Variants in DNM3 observed in about 807,000 individuals in gnomAD.
DNM3 encodes dynamin 3.
DNM3 carries 47 observed loss-of-function variants against 101.6 expected under a neutral mutation model. That is an observed-to-expected ratio of 0.46 (90% CI 0.37 to 0.59). The LOEUF (loss-of-function observed/expected upper bound fraction) is 0.59. Among genes scored for constraint, DNM3 ranks in the 20% least tolerant of loss-of-function variants. The probability of loss-of-function intolerance (pLI) is 0.00; values close to 1 mark genes in which losing one functional copy is unlikely to be tolerated. For synonymous variants in DNM3, 385 were observed against 387.9 expected, an observed-to-expected ratio of 0.99 and a Z score of 0.09; for missense variants, 849 against 1,085.7, an observed-to-expected ratio of 0.78 and a Z score of 3.06.
At chr1:171,920,544 A>C (rs931614626) in intron 1 of DNM3, among the ~76,000 whole-genome samples, 1 of 152,166 alleles carries the variant, frequency 6.6e-6, no homozygotes, top group African/African-American at 2.4e-5. Flanking sequence ...TGGGCCTGGA[A>C]CCACATTTTG....
chr1:172,256,897 T>G (rs1422628917), intron 15 of DNM3, among the ~76,000 whole-genome samples: 1 of 108,476 alleles, frequency 9.2e-6, no homozygotes, highest in Non-Finnish European at 2.0e-5. Context: ...TTTCCTATTC[T>G]TCATCATGTT....
chr1:172,169,958 A>G (rs116753826), intron 14 of DNM3, among the ~76,000 whole-genome samples: 1,658 of 152,006 alleles, frequency 0.011, 23 homozygotes, highest in African/African-American at 0.037. Flanking sequence ...TGGGTTTTAC[A>G]GTGTGCAAAG....
intron 14 of DNM3, among the ~76,000 whole-genome samples, chr1:172,230,914 A>T (rs1296760410): frequency 6.6e-6 from 1 of 151,978 alleles, no homozygotes; most frequent in African/African-American, 2.4e-5. Flanking sequence ...CCCTTTGACT[A>T]GTTTGCCCTT....
intron 13 of DNM3, among the ~76,000 whole-genome samples, chr1:172,121,435 G>C (rs1195449110): frequency 6.6e-6 from 1 of 152,240 alleles, no homozygotes; most frequent in African/African-American, 2.4e-5. Flanking sequence ...AATCAAGATA[G>C]TGCGGAAGCC....
intron 4 of DNM3, among the ~76,000 whole-genome samples, chr1:172,011,772 A>G (rs933911344): frequency 2.0e-5 from 3 of 152,184 alleles, no homozygotes; most frequent in Admixed American, 6.6e-5. Flanking sequence ...TTTCAAAACC[A>G]ATAGATCCAA....
chr1:172,032,696 C>T (rs1401911397), intron 5 of DNM3, among the ~76,000 whole-genome samples, 196 bp downstream of exon 5: 5 of 151,468 alleles, frequency 3.3e-5, no homozygotes, highest in African/African-American at 9.7e-5. Flanking sequence ...GAAAATAATC[C>T]AAAGGGAGAA....
chr1:171,949,167 T>C (rs534068748), intron 2 of DNM3, among the ~76,000 whole-genome samples: 1 of 152,290 alleles, frequency 6.6e-6, no homozygotes, highest in East Asian at 1.9e-4. Flanking sequence ...TTACTAATTT[T>C]TGTACCATTA....
chr1:172,333,617 T>C (rs2066289051), intron 17 of DNM3, among the ~76,000 whole-genome samples: 1 of 152,182 alleles, frequency 6.6e-6, no homozygotes, highest in East Asian at 1.9e-4. Flanking sequence ...TTGATGCATA[T>C]TATCTTAATC....
chr1:171,884,055 A>C (rs1248781755), intron 1 of DNM3, among the ~76,000 whole-genome samples: 1 of 152,210 alleles, frequency 6.6e-6, no homozygotes, highest in African/African-American at 2.4e-5. Context: ...TGAGTTAAAC[A>C]GATGTTCAGC....
intron 15 of DNM3, among the ~76,000 whole-genome samples, chr1:172,254,381 A>T (rs977628132): frequency 3.3e-5 from 5 of 152,202 alleles, no homozygotes; most frequent in African/African-American, 1.2e-4. Context: ...GACAAATTTC[A>T]TATACTATGA....
chr1:172,309,692 A>G (rs1049958887), intron 16 of DNM3: 8 of 152,226 alleles, frequency 5.3e-5, no homozygotes, highest in Admixed American at 2.0e-4. Context: ...ATGATCATGC[A>G]TGAGTTGGGT....
intron 2 of DNM3, among the ~76,000 whole-genome samples, chr1:171,968,126 T>C (rs773842054): frequency 5.9e-5 from 9 of 152,212 alleles, no homozygotes; most frequent in Non-Finnish European, 8.8e-5. Context: ...CAAATGAAGA[T>C]GCTTTGAATG....
At chr1:171,877,659 A>T (rs1157326992) in intron 1 of DNM3, among the ~76,000 whole-genome samples, 2 of 152,250 alleles carry the variant, frequency 1.3e-5, no homozygotes, top group Admixed American at 6.5e-5. Flanking sequence ...GAATGGGGTT[A>T]TATTGCCTGA....
At chr1:172,055,855 G>A (rs1483379754) in intron 10 of DNM3, among the ~76,000 whole-genome samples, 1 of 152,160 alleles carries the variant, frequency 6.6e-6, no homozygotes, top group Non-Finnish European at 1.5e-5. Context: ...TGGCCAAATA[G>A]GAACAGCTTC....
intron 15 of DNM3, among the ~76,000 whole-genome samples, chr1:172,282,903 G>A (rs187435444): frequency 1.4e-3 from 211 of 152,266 alleles, no homozygotes; most frequent in African/African-American, 4.9e-3. Context: ...ACTGTCTTAG[G>A]CTTCAGGCTT....
intron 14 of DNM3, among the ~76,000 whole-genome samples, chr1:172,205,445 T>C (rs904773181): frequency 1.3e-5 from 2 of 152,094 alleles, no homozygotes; most frequent in Admixed American, 6.6e-5. Context: ...ATAAACTACA[T>C]TTATCAACAC....
At chr1:172,359,053 G>T (rs531342941) in intron 17 of DNM3, among the ~76,000 whole-genome samples, 5 of 151,642 alleles carry the variant, frequency 3.3e-5, no homozygotes, top group African/African-American at 1.2e-4. Context: ...CCCCTCTGGT[G>T]GCTCAGACGG....
intron 4 of DNM3, among the ~76,000 whole-genome samples, chr1:172,011,817 A>G (rs1173315710): frequency 2.0e-5 from 3 of 151,944 alleles, no homozygotes; most frequent in Non-Finnish European, 2.9e-5. Context: ...TTTTATTTCC[A>G]CTTGCAAAAT....
intron 14 of DNM3, among the ~76,000 whole-genome samples, chr1:172,199,622 C>G (rs567323619): frequency 6.6e-6 from 1 of 151,640 alleles, no homozygotes; most frequent in Non-Finnish European, 1.5e-5. Flanking sequence ...TTAGGATAGT[C>G]TTCTTGTTGA....
Sources: gnomAD v4.1 joint callset for allele counts (sites outside exome capture counted in the v4.1 genomes callset) on GRCh38, gnomAD v4.1.1 for gene constraint, MANE v1.5 for transcripts, NCBI Gene and HGNC (gene_info 2026-07-23, HGNC 2026-07-21) for gene names.